C5: variants seen among roughly 807,000 people sequenced by gnomAD.
C5 encodes the protein C3 and PZP-like alpha-2-macroglobulin domain-containing protein 4.
In C5, 140 loss-of-function variants were observed where a neutral mutation model predicts 218.8. The observed-to-expected ratio is 0.64, with a 90% CI of 0.56 to 0.74. C5 has a LOEUF of 0.74. Ranked by LOEUF, C5 falls within the 30% of genes least tolerant of loss-of-function variation. C5 has a pLI of 0.00. For synonymous variants in C5, 614 were observed against 682.3 expected, an observed-to-expected ratio of 0.90 and a Z score of 1.56; for missense variants, 1,700 against 1,969.6, an observed-to-expected ratio of 0.86 and a Z score of 2.59.
chr9:121,050,379 C>T, upstream of C5: 1 of 783,812 alleles, frequency 1.3e-6, no homozygotes. Context: ...AGTGGGAAAA[C>T]TAGAATTGGA....
the C5 span, among the ~76,000 whole-genome samples, chr9:121,058,779 A>G: frequency 6.6e-6 from 1 of 152,196 alleles, no homozygotes; most frequent in African/African-American, 2.4e-5. Context: ...TAAACTCTTA[A>G]ATAATTTATA....
intron 5 of C5, among the ~76,000 whole-genome samples, chr9:121,033,010 ATGGG>A (rs1389140965): frequency 0.11 from 4,010 of 35,146 alleles, 192 homozygotes; most frequent in African/African-American, 0.2. Context: ...CAAAAAAACT[ATGGG>A]TGTGTGTGTG....
Position 121,030,463 on chromosome 9 carries a change from A to G in C5, c.692T>C (p.Ile231Thr). The stretch of plus-strand genomic sequence containing the variant: ...ACCAATGAAATTATATTCTGGCTCG[A>G]TTGAGACAGAAAAATGTGGCAAGAC... ...EYVLPHFSVS[I>T]EPEYNFIGYK... Residue 231 changes from isoleucine to threonine, a missense_variant, in exon 7 of 41, where the codon ATC (isoleucine) becomes ACC (threonine). Ile to Thr is a moderately conservative substitution (Grantham distance 89). Transcript: ENST00000223642. 6.5e-7 allele frequency: 1 copy of G among 1,548,798 alleles called. No individual in the cohort carries two copies. The highest frequency in any genetic ancestry group is 2.4e-5 in the East Asian group (1 of 41,818).
chr9:121,005,033 A>T (rs889885663), intron 20 of C5, among the ~76,000 whole-genome samples: 5 of 152,134 alleles, frequency 3.3e-5, no homozygotes, highest in Non-Finnish European at 7.4e-5. Context: ...ACAAGAGGGT[A>T]TGTAAGCAAA....
At position 121,013,863 on chromosome 9, in the gene C5, T is replaced by A; in HGVS notation, c.2257+10A>T. 1 of 1,612,034 alleles carries A rather than the reference T, an allele frequency of 6.2e-7. No homozygotes were observed. Among genetic ancestry groups the A allele is most frequent in the Non-Finnish European group, 8.5e-7 (1 of 1,178,194 alleles). ...TTGAGCAGAATTCTGATAGAAAATG[T>A]CATACTTACGTAGCCTTCCCAATTG... On this transcript the variant is annotated intron_variant, in intron 17 of 40. Transcript: ENST00000223642.
intron 39 of C5, among the ~76,000 whole-genome samples, chr9:120,955,667 A>G (rs2046779106): frequency 6.6e-6 from 1 of 152,186 alleles, no homozygotes; most frequent in African/African-American, 2.4e-5. Context: ...TTCACAAATA[A>G]GTTTCATACA....
chr9:120,998,363 C>T (rs1368747941), intron 20 of C5, among the ~76,000 whole-genome samples: 4 of 152,202 alleles, frequency 2.6e-5, no homozygotes, highest in Admixed American at 2.6e-4. Context: ...AGAGCTCATG[C>T]TGTTGTGATA....
intron 7 of C5, 140 bp downstream of exon 7, chr9:121,030,257 T>C: frequency 1.7e-6 from 1 of 575,704 alleles, no homozygotes; most frequent in Admixed American, 3.2e-5. Flanking sequence ...CAGCATGATG[T>C]CTCCTTTATC....
chr9:120,997,534 A>G lies in C5; in HGVS notation c.2790+13T>C. 1 of 1,560,912 alleles carries G rather than the reference A, an allele frequency of 6.4e-7. No homozygotes were observed. Among genetic ancestry groups the G allele is most frequent in the Non-Finnish European group, 8.8e-7 (1 of 1,132,152 alleles). ...TAATTTAAGCATAAGTTATTGAAGCATGTTTTTCTTACCACCACTCGTAAT... is the reference window on the plus strand; with the variant it reads ...TAATTTAAGCATAAGTTATTGAAGCGTGTTTTTCTTACCACCACTCGTAAT... On this transcript the variant is annotated intron_variant, in intron 21 of 40. Coordinates refer to ENST00000223642, the MANE Select transcript of C5 (RefSeq NM_001735.3).
chr9:121,039,198 A>C (rs1307410451), intron 3 of C5, among the ~76,000 whole-genome samples: 1 of 152,248 alleles, frequency 6.6e-6, no homozygotes, highest in African/African-American at 2.4e-5. Flanking sequence ...CATACTAAGT[A>C]ATCAATAAAT....
At chr9:120,961,775 C>T (rs572313410) in intron 36 of C5, among the ~76,000 whole-genome samples, 2 of 152,132 alleles carry the variant, frequency 1.3e-5, no homozygotes, top group Non-Finnish European at 2.9e-5. Context: ...TCACTTAGTT[C>T]TGTGCTTGAA....
At chr9:121,052,672 T>G (rs2047678648), upstream of C5, among the ~76,000 whole-genome samples, 1 of 152,032 alleles carries the variant, frequency 6.6e-6, no homozygotes, top group African/African-American at 2.4e-5. Flanking sequence ...CAGGCCCCTC[T>G]TGAGCCCTGC....
At chr9:121,015,565 G>A (rs879880320) in intron 15 of C5, among the ~76,000 whole-genome samples, 7 of 152,122 alleles carry the variant, frequency 4.6e-5, no homozygotes, top group Non-Finnish European at 5.9e-5. Flanking sequence ...AGTGAGTGAT[G>A]CTTTTGTTGG....
chr9:121,008,899 C>A (rs2047238825), intron 17 of C5, among the ~76,000 whole-genome samples: 1 of 151,564 alleles, frequency 6.6e-6, no homozygotes, highest in Non-Finnish European at 1.5e-5. Flanking sequence ...CACTGCACTC[C>A]AGCCTGGGTA....
At chr9:120,968,968 G>A (rs745617128) in intron 33 of C5, 93 bp downstream of exon 33, 4 of 1,013,352 alleles carry the variant, frequency 3.9e-6, no homozygotes, top group Non-Finnish European at 6.3e-6. Context: ...GTATCTTCTG[G>A]ACATACCAAA....
chr9:120,995,597 T>C (rs917203083), intron 22 of C5, among the ~76,000 whole-genome samples: 1 of 152,110 alleles, frequency 6.6e-6, no homozygotes, highest in African/African-American at 2.4e-5. Flanking sequence ...AATGACTTTT[T>C]CTTAGGTGTT....
chr9:121,015,279 AG>A lies in C5; in HGVS notation c.1997-19del. 6.5e-7 allele frequency: 1 copy of A among 1,542,508 alleles called. No homozygotes were observed. Among genetic ancestry groups the A allele is most frequent in the Non-Finnish European group, 8.9e-7 (1 of 1,118,456 alleles). ...AGGTTCATCTGGTTTTTTTAAAAAAAGATAAAGAAGAAGGATTAAAAAGGAG... is the reference window on the plus strand; with the variant it reads ...AGGTTCATCTGGTTTTTTTAAAAAAAATAAAGAAGAAGGATTAAAAAGGAG... On this transcript the variant is annotated intron_variant, in intron 15 of 40. Transcript: ENST00000223642.
At position 121,019,393 on chromosome 9, in the gene C5, T is replaced by C. The variant is rs529830436; in HGVS notation, c.1506+583A>G. 1.3e-3 allele frequency among the ~76,000 whole-genome samples: 205 copies of C among 152,342 alleles called. 1 individual carries two copies. The highest frequency in any genetic ancestry group is 2.4e-3 in the Non-Finnish European group (162 of 68,030). On this transcript the variant is annotated intron_variant, in intron 12 of 40. Coordinates refer to ENST00000223642, the MANE Select transcript of C5 (RefSeq NM_001735.3). ...TATTTGGTGATTGTCAGGAAGCTCT[T>C]AATATTTTCTGTAAGTTTTTTTCTT... is the stretch of plus-strand genomic sequence containing the variant.
intron 38 of C5, among the ~76,000 whole-genome samples, chr9:120,958,485 T>C (rs1388170552): frequency 1.3e-5 from 2 of 152,154 alleles, no homozygotes; most frequent in African/African-American, 4.8e-5. Flanking sequence ...AACTTTTGTT[T>C]GTTAAAACAA....
Sources: gnomAD v4.1 joint callset for allele counts (sites outside exome capture counted in the v4.1 genomes callset) on GRCh38, gnomAD v4.1.1 for gene constraint, MANE v1.5 for transcripts, NCBI Gene and HGNC (gene_info 2026-07-23, HGNC 2026-07-21) for gene names.